Variants in EIF2AK2 observed in about 807,000 individuals in gnomAD.
EIF2AK2 encodes the protein eukaryotic translation initiation factor 2 alpha kinase 2, also known as interferon-induced, double-stranded RNA-activated protein kinase.
EIF2AK2 carries 40 observed loss-of-function variants against 70.5 expected under a neutral mutation model. The observed-to-expected ratio is 0.57, with a 90% CI of 0.44 to 0.74. The LOEUF (loss-of-function observed/expected upper bound fraction) is 0.74. Among genes scored for constraint, EIF2AK2 ranks in the 30% least tolerant of loss-of-function variants. The pLI is 0.00. For synonymous variants in EIF2AK2, 198 were observed against 220.9 expected (o/e 0.90, Z 0.92); for missense variants, 555 against 644.3 (o/e 0.86, Z 1.50).
chr2:37,125,850 T>A (rs1173674243), intron 11 of EIF2AK2, among the ~76,000 whole-genome samples: 2 of 152,226 alleles, frequency 1.3e-5, no homozygotes, highest in East Asian at 3.9e-4. Context: ...ACAATTACCA[T>A]CTAGCTTTTA....
At chr2:37,156,647 G>T (rs565113590) in intron 1 of EIF2AK2, among the ~76,000 whole-genome samples, 6 of 152,354 alleles carry the variant, frequency 3.9e-5, no homozygotes, top group African/African-American at 1.4e-4. Flanking sequence ...TTCTTCACGG[G>T]AAGGAAATGG....
rs553835029 is a variant in EIF2AK2, at chr2:37,127,641, C to T, written c.786-1230G>A. 6.6e-5 allele frequency among the ~76,000 whole-genome samples: 10 copies of T among 152,240 alleles called. No homozygotes were observed. In the South Asian group the frequency reaches 2.1e-3, roughly 32 times the overall value. Reference sequence around the variant, plus strand: ...TGCCCACTCATCCATCAGGCCTCCCCACAACTGTGACCCCAGAGAAACCTC... The same window carrying T: ...TGCCCACTCATCCATCAGGCCTCCCTACAACTGTGACCCCAGAGAAACCTC... On this transcript the variant is annotated intron_variant, in intron 10 of 16. Coordinates refer to ENST00000233057, the MANE Select transcript of EIF2AK2 (RefSeq NM_001135651.3).
chr2:37,147,866 T>C, intron 2 of EIF2AK2, 44 bp from the exon 3 acceptor site: 1 of 1,379,410 alleles, frequency 7.2e-7, no homozygotes, highest in South Asian at 1.2e-5. Flanking sequence ...TCACAGAACA[T>C]ATTTAATCTG....
In EIF2AK2 at chr2:37,122,607, G is replaced by C; in HGVS notation, c.966C>G (p.His322Gln). 1 of 1,614,164 alleles carries C rather than the reference G, an allele frequency of 6.2e-7. No homozygotes were observed. The highest frequency in any genetic ancestry group is 8.5e-7 in the Non-Finnish European group (1 of 1,180,038). ...LAKLDHVNIV[H>Q]YNGCWDGFDY... Reference sequence around the variant, plus strand: ...CAAATCCATCCCAACAGCCATTGTAGTGAACAATATTTACATGATCAAGTT... The same window carrying C: ...CAAATCCATCCCAACAGCCATTGTACTGAACAATATTTACATGATCAAGTT... Residue 322 changes from histidine to glutamine, a missense_variant, in exon 12 of 17, where the codon CAC becomes CAG. Coordinates refer to ENST00000233057, the MANE Select transcript of EIF2AK2 (RefSeq NM_001135651.3).
At chr2:37,110,533 A>G (rs1674109970) in intron 14 of EIF2AK2, among the ~76,000 whole-genome samples, 1 of 152,216 alleles carries the variant, frequency 6.6e-6, no homozygotes, top group Admixed American at 6.5e-5. Context: ...AGGAAGTTAA[A>G]GAGAGCCACT....
At chr2:37,109,362 C>A in intron 14 of EIF2AK2, 67 bp from the exon 15 acceptor site, 1 of 1,428,600 alleles carries the variant, frequency 7.0e-7, no homozygotes, top group Non-Finnish European at 9.6e-7. Flanking sequence ...TTCTAAAGCC[C>A]AAAAAAGTTA....
intron 10 of EIF2AK2, among the ~76,000 whole-genome samples, chr2:37,135,037 G>A (rs1444162723): frequency 6.6e-6 from 1 of 152,168 alleles, no homozygotes; most frequent in East Asian, 1.9e-4. Flanking sequence ...GGGTTCTTTA[G>A]AAGATATAGC....
Position 37,105,877 on chromosome 2 carries a change from A to G in EIF2AK2, c.*1396T>C, listed in dbSNP as rs1369232029. 1 of 152,222 alleles carries G rather than the reference A, an allele frequency of 6.6e-6. No individual in the cohort carries two copies. The highest frequency in any genetic ancestry group is 1.5e-5 in the Non-Finnish European group (1 of 68,072). 9.4% of individuals were successfully genotyped at this position (152,222 alleles called of 1,614,324 possible). On this transcript the variant is annotated 3_prime_UTR_variant, in exon 17 of 17. Transcript: ENST00000233057. ...GAAGGCCCACTGGGCTGTCACTTCT[A>G]GCCCTGTGCTCAGCAGAAAGCCATC...
chr2:37,109,172 T>A (rs759165571), intron 15 of EIF2AK2, 22 bp downstream of exon 15: 13 of 1,611,188 alleles, frequency 8.1e-6, no homozygotes, highest in Non-Finnish European at 1.1e-5. Flanking sequence ...CTTGTTTAAT[T>A]CTTTCTTTGA....
At position 37,106,396 on chromosome 2, in the gene EIF2AK2, T is replaced by G. The variant is rs992061105; in HGVS notation, c.*877A>C. The G allele has an allele frequency of 6.6e-6, 1 of 152,218 alleles. No homozygotes were observed. The highest frequency in any genetic ancestry group is 1.5e-5 in the Non-Finnish European group (1 of 68,030). 9.4% of individuals were successfully genotyped at this position (152,218 alleles called of 1,614,324 possible). A position where few individuals can be genotyped will look rare whatever the true frequency, so the allele number is the denominator to read the frequency against. ...TGAATATAATTTTTTTAATCCATTC[T>G]TCTTTTGATGTGCATTATGGTTGTT... On this transcript the variant is annotated 3_prime_UTR_variant, in exon 17 of 17. Transcript: ENST00000233057.
chr2:37,107,287 G>C lies in EIF2AK2; in HGVS notation c.1642C>G (p.Arg548Gly). The change falls in exon 17 of 17, where the codon CGA becomes GGA. Residue 548 changes from arginine (R) to glycine (G), a missense_variant. Around this residue, in one of 3 missense-constraint regions of EIF2AK2, gnomAD observed 299 missense variants for 375.4 expected, o/e 0.80. Coordinates refer to ENST00000233057, the MANE Select transcript of EIF2AK2 (RefSeq NM_001135651.3). Reference protein sequence around the residue: ...VWKKSPEKNERHTC With the variant: ...VWKKSPEKNEGHTC ...TCAGAAGGGCTCTAACATGTGTGTC[G>C]TTCATTTTTCTCTGGGCTTTTCTTC... 6.2e-7 allele frequency: 1 copy of C among 1,613,166 alleles called. No individual in the cohort carries two copies. The highest frequency in any genetic ancestry group is 8.5e-7 in the Non-Finnish European group (1 of 1,179,788).
At chr2:37,138,485 T>A in intron 7 of EIF2AK2, 24 bp downstream of exon 7, 1 of 1,612,020 alleles carries the variant, frequency 6.2e-7, no homozygotes, top group South Asian at 1.1e-5. Flanking sequence ...ATGTTAAGTA[T>A]CTCAATTGTT....
At chr2:37,110,615 T>C (rs2148664834) in intron 14 of EIF2AK2, among the ~76,000 whole-genome samples, 1 of 152,338 alleles carries the variant, frequency 6.6e-6, no homozygotes, top group Admixed American at 6.5e-5. Flanking sequence ...TTCTCCATTC[T>C]AGACTCTCAA....
At chr2:37,130,546 C>T (rs1416962667) in intron 10 of EIF2AK2, among the ~76,000 whole-genome samples, 3 of 152,178 alleles carry the variant, frequency 2.0e-5, no homozygotes, top group Non-Finnish European at 4.4e-5. Flanking sequence ...TGTCCCAAAC[C>T]CCTATATCCT....
At chr2:37,131,351 G>A (rs1674932689) in intron 10 of EIF2AK2, among the ~76,000 whole-genome samples, 1 of 152,112 alleles carries the variant, frequency 6.6e-6, no homozygotes, top group Non-Finnish European at 1.5e-5. Context: ...AAAACAACTA[G>A]ACCCCATTTA....
In EIF2AK2 at chr2:37,138,572, A is replaced by G. The variant is rs144942453; in HGVS notation, c.530T>C (p.Leu177Pro). ...CGTAGTAGCAAAAGAACCAGAGGAC[A>G]GGTAGTCAGATTTCTGAAAGAAAAA... Reference protein sequence around the residue: ...SEETSVKSDYLSSGSFATTCE... With the variant: ...SEETSVKSDYPSSGSFATTCE... The change falls in exon 7 of 17, where the codon CTG (leucine) becomes CCG (proline). Residue 177 changes from leucine (L) to proline (P), a missense_variant. By Grantham distance (98) the Leu-to-Pro change is moderately conservative (BLOSUM62 -3). Transcript: ENST00000233057. 8.1e-6 allele frequency: 13 copies of G among 1,614,028 alleles called. No individual in the cohort carries two copies. Among genetic ancestry groups the G allele is most frequent in the East Asian group, 4.5e-5 (2 of 44,872 alleles).
chr2:37,120,190 TAA>T, intron 12 of EIF2AK2, 51 bp from the exon 13 acceptor site: 1 of 1,154,172 alleles, frequency 8.7e-7, no homozygotes. Flanking sequence ...TATAAATTTA[TAA>T]AAAATTTTTT....
At chr2:37,128,255 A>G (rs910738304) in intron 10 of EIF2AK2, among the ~76,000 whole-genome samples, 3 of 152,174 alleles carry the variant, frequency 2.0e-5, no homozygotes, top group Admixed American at 1.3e-4. Context: ...CGTTTCAGAC[A>G]TTTCATTTTA....
In EIF2AK2 at chr2:37,125,138, G is replaced by A. The variant is rs539241306; in HGVS notation, c.908+1151C>T. ...AGCAATTCTTCTGACTCAGCCTCTC[G>A]AGAAGCTGAGATTACAGGCATGCGC... On this transcript the variant is annotated intron_variant, in intron 11 of 16. Coordinates refer to ENST00000233057, the MANE Select transcript of EIF2AK2 (RefSeq NM_001135651.3). 9.9e-5 allele frequency among the ~76,000 whole-genome samples: 15 copies of A among 152,094 alleles called. No individual in the cohort carries two copies. In the South Asian group the frequency reaches 1.0e-3, roughly 11 times the overall value.
Sources: allele counts gnomAD v4.1 joint callset (sites outside exome capture counted in the v4.1 genomes callset), GRCh38; gene constraint gnomAD v4.1.1; regional missense constraint gnomAD v4.1.1; transcripts MANE v1.5; gene names NCBI Gene and HGNC (gene_info 2026-07-23, HGNC 2026-07-21).